ADGRL2: variants seen among roughly 807,000 people sequenced by gnomAD.
The protein encoded by ADGRL2 is calcium-independent alpha-latrotoxin receptor 2.
A neutral mutation model predicts 157.4 loss-of-function variants in ADGRL2; 44 were observed. That is an observed-to-expected ratio of 0.28 (90% CI 0.22 to 0.36). ADGRL2 has a LOEUF of 0.36. Among genes scored for constraint, ADGRL2 ranks in the 10% least tolerant of loss-of-function variants. The probability of loss-of-function intolerance (pLI) is 1.00; values close to 1 mark genes in which losing one functional copy is unlikely to be tolerated. For missense variants in ADGRL2, 1,510 were observed against 1,768.9 expected, an observed-to-expected ratio of 0.85 and a Z score of 2.63; for synonymous variants, 585 against 624.7, an observed-to-expected ratio of 0.94 and a Z score of 0.95.
chr1:81,965,003 C>T (rs904654336), intron 11 of ADGRL2, among the ~76,000 whole-genome samples: 1 of 152,010 alleles, frequency 6.6e-6, no homozygotes, highest in Non-Finnish European at 1.5e-5. Flanking sequence ...TATTGTGATT[C>T]CCAGCAGACA....
chr1:81,572,746 C>T (rs2080720917), intron 2 of ADGRL2, among the ~76,000 whole-genome samples: 3 of 151,984 alleles, frequency 2.0e-5, no homozygotes, highest in African/African-American at 7.3e-5. Context: ...TTGCAAAATG[C>T]TGGGTTCAAC....
At chr1:81,743,658 A>G (rs1323767970) in intron 1 of ADGRL2, among the ~76,000 whole-genome samples, 4 of 152,192 alleles carry the variant, frequency 2.6e-5, no homozygotes, top group Admixed American at 6.5e-5. Context: ...CTATTAACCT[A>G]CTGTGACTTA....
At chr1:81,831,021 C>T (rs1266503664) in intron 1 of ADGRL2, among the ~76,000 whole-genome samples, 1 of 152,070 alleles carries the variant, frequency 6.6e-6, no homozygotes, top group Non-Finnish European at 1.5e-5. Flanking sequence ...ACAAAGGATC[C>T]AGTGCAGTGA....
At chr1:81,817,068 C>T (rs1267548971) in intron 1 of ADGRL2, among the ~76,000 whole-genome samples, 1 of 151,406 alleles carries the variant, frequency 6.6e-6, no homozygotes, top group Non-Finnish European at 1.5e-5. Context: ...AACGTTATAC[C>T]CTCTAAGTAA....
At chr1:81,947,376 A>G (rs1346808123) in intron 6 of ADGRL2, among the ~76,000 whole-genome samples, 1 of 152,224 alleles carries the variant, frequency 6.6e-6, no homozygotes, top group African/African-American at 2.4e-5. Flanking sequence ...CTGCAAGGTT[A>G]CTTGTTGGAT....
chr1:81,651,181 A>T (rs987804476), intron 3 of ADGRL2, among the ~76,000 whole-genome samples: 1 of 152,188 alleles, frequency 6.6e-6, no homozygotes, highest in Non-Finnish European at 1.5e-5. Flanking sequence ...ATAGCTTGGA[A>T]ATTGTTGGTC....
At chr1:81,556,312 ATTT>A (rs145670261) in intron 2 of ADGRL2, among the ~76,000 whole-genome samples, 1 of 87,122 alleles carries the variant, frequency 1.1e-5, no homozygotes, top group Non-Finnish European at 2.0e-5. Flanking sequence ...GGCTGTCACA[ATTT>A]TTTTTTTTTT....
chr1:81,444,502 C>T (rs1557693811), intron 1 of ADGRL2, among the ~76,000 whole-genome samples: 1 of 152,188 alleles, frequency 6.6e-6, no homozygotes, highest in Non-Finnish European at 1.5e-5. Flanking sequence ...CTGATTTGCC[C>T]TCACATCTGT....
chr1:81,881,814 G>C (rs969842194), intron 2 of ADGRL2, among the ~76,000 whole-genome samples: 2 of 152,122 alleles, frequency 1.3e-5, no homozygotes, highest in Admixed American at 1.3e-4. Context: ...ACTATACAAG[G>C]TGAAGACAAT....
chr1:81,551,291 G>C (rs542686007), intron 2 of ADGRL2, among the ~76,000 whole-genome samples: 3 of 152,248 alleles, frequency 2.0e-5, no homozygotes, highest in African/African-American at 7.2e-5. Context: ...ACCAGGTCTT[G>C]AGGAAGATCT....
In ADGRL2 at chr1:81,993,739, T is replaced by C. The variant is rs531106057; in HGVS notation, c.*2594T>C. ...GTTTTAATGCAGATGCGTTATTGTA[T>C]TTATTAACCCAGTTTCTTTGGGTCT... On this transcript the variant is annotated 3_prime_UTR_variant, in exon 24 of 24. Transcript: ENST00000686636. 1.6e-4 allele frequency among the ~76,000 whole-genome samples: 25 copies of C among 152,342 alleles called. No homozygotes were observed. The South Asian group carries it at 5.0e-3, about 30-fold the overall frequency.
At chr1:81,931,470 C>T (rs1422161228) in intron 3 of ADGRL2, among the ~76,000 whole-genome samples, 2 of 152,014 alleles carry the variant, frequency 1.3e-5, no homozygotes, top group African/African-American at 2.4e-5. Context: ...GGTGATACTT[C>T]GTGCGTTTTT....
chr1:81,839,093 C>CATT (rs2092425607), intron 2 of ADGRL2, among the ~76,000 whole-genome samples: 2 of 152,004 alleles, frequency 1.3e-5, no homozygotes, highest in African/African-American at 4.8e-5. Flanking sequence ...AGCCAATCAA[C>CATT]ATTAGGTAAG....
intron 1 of ADGRL2, chr1:81,426,414 T>A: frequency 2.8e-6 from 1 of 357,454 alleles, no homozygotes; most frequent in Non-Finnish European, 5.3e-6. Context: ...AAATACTCAG[T>A]AGATAGTGAA....
At chr1:81,948,921 T>G (rs1234329765) in intron 6 of ADGRL2, among the ~76,000 whole-genome samples, 1 of 152,138 alleles carries the variant, frequency 6.6e-6, no homozygotes, top group East Asian at 1.9e-4. Flanking sequence ...TCACACTACT[T>G]TTTCGTAGTT....
intron 3 of ADGRL2, among the ~76,000 whole-genome samples, chr1:81,649,046 A>G (rs1222831455): frequency 6.6e-6 from 1 of 152,124 alleles, no homozygotes; most frequent in Non-Finnish European, 1.5e-5. Context: ...ATTTTTATTG[A>G]CACCAGGCAG....
intron 2 of ADGRL2, among the ~76,000 whole-genome samples, chr1:81,474,693 A>G (rs1230134952): frequency 1.3e-5 from 2 of 152,220 alleles, no homozygotes; most frequent in Non-Finnish European, 2.9e-5. Context: ...TTCCTTGCCA[A>G]TAGACTCATA....
At chr1:81,738,336 C>A (rs1239647830) in intron 1 of ADGRL2, among the ~76,000 whole-genome samples, 1 of 152,146 alleles carries the variant, frequency 6.6e-6, no homozygotes, top group Non-Finnish European at 1.5e-5. Flanking sequence ...CACTCAGCAA[C>A]TATTGAAGAA....
intron 2 of ADGRL2, among the ~76,000 whole-genome samples, chr1:81,885,500 CTTAG>C (rs2094107757): frequency 6.6e-6 from 1 of 152,132 alleles, no homozygotes; most frequent in Non-Finnish European, 1.5e-5. Context: ...CTACTGCTTA[CTTAG>C]TTAATTACTG....
Sources: allele counts gnomAD v4.1 joint callset (sites outside exome capture counted in the v4.1 genomes callset), GRCh38; gene constraint gnomAD v4.1.1; transcripts MANE v1.5; gene names NCBI Gene and HGNC (gene_info 2026-07-23, HGNC 2026-07-21).